BICD1: variants seen among roughly 807,000 people sequenced by gnomAD.
BICD1 encodes protein bicaudal D homolog 1.
Under a neutral mutation model 92.5 loss-of-function variants are expected in BICD1, and 35 were observed. The observed-to-expected ratio is 0.38, with a 90% confidence interval of 0.29 to 0.50. BICD1 has a LOEUF of 0.50. Among genes scored for constraint, BICD1 ranks in the 20% least tolerant of loss-of-function variants. The pLI, the probability that BICD1 is intolerant of heterozygous loss-of-function variation, is 0.93. For missense variants in BICD1, 950 were observed against 1,189.8 expected (o/e 0.80, Z 2.97); for synonymous variants, 429 against 465.1 (o/e 0.92, Z 1.00).
At chr12:32,118,853 A>G (rs1048115211) in intron 1 of BICD1, among the ~76,000 whole-genome samples, 11 of 152,210 alleles carry the variant, frequency 7.2e-5, no homozygotes, top group Non-Finnish European at 1.3e-4. Context: ...TTGAGTGGCT[A>G]CTGTGTCGGG....
intron 2 of BICD1, among the ~76,000 whole-genome samples, chr12:32,239,219 C>A (rs1241091035): frequency 7.4e-6 from 1 of 134,258 alleles, no homozygotes; most frequent in Admixed American, 8.3e-5. Context: ...TGCACTGTAG[C>A]CTGGGTGACA....
Position 32,129,470 on chromosome 12 carries a change from A to G in BICD1, c.213+21926A>G, listed in dbSNP as rs531239232. On this transcript the variant is annotated intron_variant, in intron 1 of 9. Transcript: ENST00000652176. ...AACCCAGGAGGTGGAGGTTGCAGTG[A>G]GCTGAGATGGCGCAACTATACTCCA... Among the ~76,000 whole-genome samples the G allele has an allele frequency of 5.5e-3, 798 of 144,696 alleles. 4 individuals carry two copies. Among genetic ancestry groups the G allele is most frequent in the Non-Finnish European group, 9.2e-3 (617 of 66,788 alleles). The allele number at this position is 144,696 out of a possible 152,430, so 94.9% of individuals were successfully genotyped here. A position where few individuals can be genotyped will look rare whatever the true frequency, so the allele number is the denominator to read the frequency against.
chr12:32,141,805 G>T (rs1327052504), intron 1 of BICD1, among the ~76,000 whole-genome samples: 1 of 152,098 alleles, frequency 6.6e-6, no homozygotes, highest in Non-Finnish European at 1.5e-5. Context: ...ACTTACCACA[G>T]ATTCCCGAAG....
intron 2 of BICD1, among the ~76,000 whole-genome samples, chr12:32,240,167 C>G (rs958547413): frequency 2.0e-5 from 3 of 152,150 alleles, no homozygotes; most frequent in Non-Finnish European, 4.4e-5. Flanking sequence ...CTGTAATAAC[C>G]TAAGCATTAT....
chr12:32,255,529 T>G (rs950583310), intron 2 of BICD1, among the ~76,000 whole-genome samples: 6 of 152,240 alleles, frequency 3.9e-5, no homozygotes, highest in African/African-American at 1.4e-4. Context: ...GCCATATTAC[T>G]CACTGGCTTA....
At chr12:32,307,217 A>C (rs1281239177) in intron 4 of BICD1, among the ~76,000 whole-genome samples, 1 of 152,162 alleles carries the variant, frequency 6.6e-6, no homozygotes, top group Non-Finnish European at 1.5e-5. Flanking sequence ...AGGACTTCCT[A>C]TGTACAAATT....
At chr12:32,367,886 A>T in intron 9 of BICD1, 141 bp downstream of exon 9, 1 of 735,824 alleles carries the variant, frequency 1.4e-6, no homozygotes, top group Admixed American at 2.2e-5. Flanking sequence ...ATAGACACAC[A>T]TTGGACACCT....
intron 1 of BICD1, among the ~76,000 whole-genome samples, chr12:32,138,434 A>G (rs1010540606): frequency 2.0e-5 from 3 of 152,186 alleles, no homozygotes; most frequent in Non-Finnish European, 2.9e-5. Context: ...AGGAATATGT[A>G]TGTGTATGTA....
chr12:32,354,535 C>G (rs544764413), intron 8 of BICD1, among the ~76,000 whole-genome samples: 124 of 152,244 alleles, frequency 8.1e-4, no homozygotes, highest in African/African-American at 2.9e-3. Context: ...GTGTTAAAGA[C>G]TGATGTAAAT....
intron 1 of BICD1, among the ~76,000 whole-genome samples, chr12:32,112,458 T>G (rs1178103590): frequency 4.6e-5 from 7 of 152,246 alleles, no homozygotes; most frequent in Admixed American, 3.9e-4. Flanking sequence ...AACTTTCTGC[T>G]TGCAAATATT....
chr12:32,154,491 C>T (rs974911539), intron 1 of BICD1, among the ~76,000 whole-genome samples: 1 of 152,208 alleles, frequency 6.6e-6, no homozygotes, highest in Non-Finnish European at 1.5e-5. Context: ...GCATGTAGCA[C>T]TCACCATTAC....
At chr12:32,330,603 A>T (rs911611596) in intron 5 of BICD1, among the ~76,000 whole-genome samples, 2 of 151,182 alleles carry the variant, frequency 1.3e-5, no homozygotes, top group African/African-American at 2.4e-5. Flanking sequence ...TAAATAAAAT[A>T]AAAAAAGAAA....
rs201919994 is a variant in BICD1 at position 32,263,937 on chromosome 12, AT to A, written c.427-30049del. On this transcript the variant is annotated intron_variant, in intron 2 of 9. Transcript: ENST00000652176. ...GTAGTTCATTAAAAAATTCTTTAAA[AT>A]TTTTTTTACCACAAAACATCTGCAA... Among the ~76,000 whole-genome samples the A allele has an allele frequency of 7.1e-3, 1,087 of 152,098 alleles. 12 individuals carry two copies. The highest frequency in any genetic ancestry group is 0.025 in the African/African-American group (1,023 of 41,470).
chr12:32,295,497 C>T (rs140195086), intron 3 of BICD1, among the ~76,000 whole-genome samples: 154 of 152,002 alleles, frequency 1.0e-3, no homozygotes, highest in African/African-American at 3.6e-3. Context: ...AACTTAGAAG[C>T]CAGCCCAGAT....
At chr12:32,126,618 A>G (rs946850515) in intron 1 of BICD1, among the ~76,000 whole-genome samples, 3 of 152,040 alleles carry the variant, frequency 2.0e-5, no homozygotes, top group African/African-American at 7.2e-5. Flanking sequence ...TTAGTTTGGC[A>G]TGGTGATGCA....
At chr12:32,346,635 CGTGTATATATATATATATATAT>C (rs764694983) in intron 8 of BICD1, among the ~76,000 whole-genome samples, 17,288 of 24,886 alleles carry the variant, frequency 0.69, 6,181 homozygotes, top group Non-Finnish European at 0.74. Context: ...TATATATATA[CGTGTATATATATATATATATAT>C]ACACACACAC....
At chr12:32,260,599 G>T (rs1946834023) in intron 2 of BICD1, among the ~76,000 whole-genome samples, 1 of 151,234 alleles carries the variant, frequency 6.6e-6, no homozygotes, top group African/African-American at 2.4e-5. Context: ...ATTACTCATT[G>T]AAATTGTCTG....
intron 3 of BICD1, among the ~76,000 whole-genome samples, chr12:32,298,626 T>C (rs1317226072): frequency 6.9e-6 from 1 of 145,548 alleles, no homozygotes; most frequent in African/African-American, 2.6e-5. Context: ...ATCCCAGCAC[T>C]TGGGGAGGCC....
rs1453820019 is a variant in BICD1, at chr12:32,337,820, T to C, written c.2570+4T>C. 8 of 1,613,830 alleles carry C rather than the reference T, an allele frequency of 5.0e-6. No homozygotes were observed. The highest frequency in any genetic ancestry group is 1.3e-5 in the African/African-American group (1 of 74,910). On this transcript the variant is annotated splice_donor_region_variant and intron_variant, in intron 7 of 9. Transcript: ENST00000652176. The surrounding 1 kb of genome is among the most constrained non-coding windows in gnomAD (Gnocchi z 4.7). ...GCAGTGGCACTCAGAGGAAAAGGTA[T>C]GCATGCAGCGATCTTCATAGTACGG...
Sources: allele counts gnomAD v4.1 joint callset (sites outside exome capture counted in the v4.1 genomes callset), GRCh38; gene constraint gnomAD v4.1.1; non-coding constraint Gnocchi (gnomAD v3.1); transcripts MANE v1.5; gene names NCBI Gene and HGNC (gene_info 2026-07-23, HGNC 2026-07-21).